NRG1: variants seen among roughly 807,000 people sequenced by gnomAD.
The protein encoded by NRG1 is neuregulin 1.
A neutral mutation model predicts 63.8 loss-of-function variants in NRG1; 18 were observed. The observed-to-expected ratio is 0.28, with a 90% CI of 0.19 to 0.42. The LOEUF (loss-of-function observed/expected upper bound fraction) is 0.42, where lower values mean the gene tolerates loss of function less well. Among genes scored for constraint, NRG1 ranks in the 10% least tolerant of loss-of-function variants. The pLI is 1.00. For missense variants in NRG1, 762 were observed against 814.7 expected (o/e 0.94, Z 0.79); for synonymous variants, 302 against 301.3 (o/e 1.00, Z -0.02).
intron 1 of NRG1, among the ~76,000 whole-genome samples, chr8:32,558,334 C>T (rs527678785): frequency 1.3e-5 from 2 of 152,288 alleles, no homozygotes; most frequent in African/African-American, 4.8e-5. Flanking sequence ...CCAGTGAAAA[C>T]CCCACTTCTG....
chr8:32,444,187 T>C (rs1374934654), intron 1 of NRG1, among the ~76,000 whole-genome samples: 1 of 149,798 alleles, frequency 6.7e-6, no homozygotes, highest in African/African-American at 2.4e-5. Flanking sequence ...GGCCCTATCA[T>C]ATTTCACTGC....
intron 1 of NRG1, among the ~76,000 whole-genome samples, chr8:31,823,352 G>A (rs1254222551): frequency 6.6e-6 from 1 of 151,676 alleles, no homozygotes; most frequent in African/African-American, 2.4e-5. Context: ...AACTTAAGGG[G>A]GTGTCCCACT....
At chr8:31,982,746 T>G (rs1484938608) in intron 1 of NRG1, among the ~76,000 whole-genome samples, 1 of 152,122 alleles carries the variant, frequency 6.6e-6, no homozygotes, top group African/African-American at 2.4e-5. Context: ...GCTCCACATC[T>G]CTCATGAAAT....
chr8:32,377,144 G>A (rs184995417), intron 1 of NRG1, among the ~76,000 whole-genome samples: 34 of 152,298 alleles, frequency 2.2e-4, no homozygotes, highest in Admixed American at 2.2e-3. Flanking sequence ...TTAGCCCAGT[G>A]CACATAGAGT....
intron 1 of NRG1, among the ~76,000 whole-genome samples, chr8:32,505,689 T>C (rs1828431574): frequency 6.6e-6 from 1 of 152,184 alleles, no homozygotes; most frequent in Non-Finnish European, 1.5e-5. Flanking sequence ...TCTCCAGCGT[T>C]ACACAAAAGT....
chr8:32,402,878 T>C (rs1404273379), intron 1 of NRG1, among the ~76,000 whole-genome samples: 1 of 152,174 alleles, frequency 6.6e-6, no homozygotes, highest in Non-Finnish European at 1.5e-5. Context: ...ATCCACTGGG[T>C]GTCATGGAAT....
intron 1 of NRG1, among the ~76,000 whole-genome samples, chr8:31,792,382 G>T (rs1386176842): frequency 6.6e-6 from 1 of 152,126 alleles, no homozygotes; most frequent in African/African-American, 2.4e-5. Context: ...TACACAGGAG[G>T]GTTGAATGAC....
intron 5 of NRG1, among the ~76,000 whole-genome samples, chr8:32,719,868 G>A (rs1338328637): frequency 6.6e-6 from 1 of 151,960 alleles, no homozygotes. Flanking sequence ...TTGGTTACAT[G>A]TATGTGGATG....
At chr8:32,681,999 C>G (rs111512662) in intron 5 of NRG1, among the ~76,000 whole-genome samples, 7 of 152,100 alleles carry the variant, frequency 4.6e-5, no homozygotes, top group African/African-American at 1.7e-4. Context: ...GTGCAAGGCA[C>G]GTATTCCAGA....
chr8:32,045,519 C>G (rs1250741085), intron 1 of NRG1, among the ~76,000 whole-genome samples: 1 of 151,768 alleles, frequency 6.6e-6, no homozygotes, highest in Non-Finnish European at 1.5e-5. Flanking sequence ...CTAGAACAGC[C>G]AAAGCACTTC....
At chr8:32,086,676 A>T (rs1452721603) in intron 1 of NRG1, among the ~76,000 whole-genome samples, 1 of 152,228 alleles carries the variant, frequency 6.6e-6, no homozygotes, top group Non-Finnish European at 1.5e-5. Flanking sequence ...TGAAGAACAC[A>T]TAATACGGAT....
intron 5 of NRG1, among the ~76,000 whole-genome samples, chr8:32,625,780 TTTTTTTTC>T (rs1261277553): frequency 2.8e-5 from 4 of 144,306 alleles, no homozygotes; most frequent in Non-Finnish European, 6.1e-5. Flanking sequence ...CTCTCTTTTT[TTTTTTTTC>T]TTTTTTCTTT....
intron 1 of NRG1, among the ~76,000 whole-genome samples, chr8:32,377,876 T>A (rs1809823789): frequency 6.6e-6 from 1 of 152,178 alleles, no homozygotes; most frequent in Admixed American, 6.5e-5. Flanking sequence ...TGTGACTGGT[T>A]TTGATCATGA....
chr8:31,955,407 C>A (rs1804201661), intron 1 of NRG1, among the ~76,000 whole-genome samples: 2 of 152,178 alleles, frequency 1.3e-5, no homozygotes, highest in Admixed American at 1.3e-4. Context: ...AGTGAATGTA[C>A]AGTTTCAGAA....
At chr8:32,057,864 C>G (rs1823216832) in intron 1 of NRG1, among the ~76,000 whole-genome samples, 1 of 152,054 alleles carries the variant, frequency 6.6e-6, no homozygotes, top group Non-Finnish European at 1.5e-5. Context: ...GACACCTTAC[C>G]CTCAGGTTCC....
intron 1 of NRG1, among the ~76,000 whole-genome samples, chr8:31,645,054 A>T (rs963557211): frequency 6.6e-6 from 1 of 152,180 alleles, no homozygotes; most frequent in African/African-American, 2.4e-5. Flanking sequence ...ACTAATTTAC[A>T]ATGTTCTTAT....
At chr8:31,870,725 A>AT (rs1256313032) in intron 1 of NRG1, among the ~76,000 whole-genome samples, 2 of 151,974 alleles carry the variant, frequency 1.3e-5, no homozygotes, top group East Asian at 1.9e-4. Flanking sequence ...AGAGGGTTTT[A>AT]TTTTTTTGAT....
At chr8:32,542,339 C>T (rs3884552) in intron 1 of NRG1, among the ~76,000 whole-genome samples, 15,970 of 152,042 alleles carry the variant, frequency 0.11, 2,115 homozygotes, top group East Asian at 0.58. Flanking sequence ...GTGTCATGCC[C>T]AGTACCATCA....
chr8:32,686,174 T>C (rs1810066201), intron 5 of NRG1, among the ~76,000 whole-genome samples: 1 of 152,174 alleles, frequency 6.6e-6, no homozygotes, highest in African/African-American at 2.4e-5. Flanking sequence ...CAAATGCAAG[T>C]TACCAATATG....
Sources: gnomAD v4.1 joint callset for allele counts (sites outside exome capture counted in the v4.1 genomes callset) on GRCh38, gnomAD v4.1.1 for gene constraint, MANE v1.5 for transcripts, NCBI Gene and HGNC (gene_info 2026-07-23, HGNC 2026-07-21) for gene names.